SNX29: variants seen among roughly 807,000 people sequenced by gnomAD.
SNX29 encodes the protein sorting nexin-29.
Under a neutral mutation model 102.1 loss-of-function variants are expected in SNX29, and 78 were observed. That is an observed-to-expected ratio of 0.76 (90% confidence interval 0.64 to 0.92). SNX29 has a LOEUF of 0.92. SNX29 is among the 40% of genes least tolerant of loss of function. SNX29 has a pLI of 0.00. For missense variants in SNX29, 1,280 were observed against 1,061.7 expected, an observed-to-expected ratio of 1.21 and a Z score of -2.86; for synonymous variants, 580 against 414.5, an observed-to-expected ratio of 1.40 and a Z score of -4.85.
Position 12,249,427 on chromosome 16 carries a change from C to T in SNX29, c.1679-28506C>T, listed in dbSNP as rs546258078. Among the ~76,000 whole-genome samples, 16 of 152,330 alleles carry T rather than the reference C, an allele frequency of 1.1e-4. No individual in the cohort carries two copies. The East Asian group carries it at 1.9e-3, about 18-fold the overall frequency. ...CAAGCCTCTGCTAGGCTCACATTTG[C>T]GAATACTCCACTGACCAGAGTAAGT... On this transcript the variant is annotated intron_variant, in intron 14 of 20. Coordinates refer to ENST00000566228, the MANE Select transcript of SNX29 (RefSeq NM_032167.5).
chr16:12,571,502 C>A lies in SNX29; in HGVS notation c.*2873C>A, dbSNP rs974586766. Reference sequence around the variant, plus strand: ...CTCAGAGAGGAACGAGGGTGGCCCACCTCTCAAGGGCCTTGGATTCCTGGG... The same window carrying A: ...CTCAGAGAGGAACGAGGGTGGCCCAACTCTCAAGGGCCTTGGATTCCTGGG... On this transcript the variant is annotated 3_prime_UTR_variant, in exon 21 of 21. Coordinates refer to ENST00000566228, the MANE Select transcript of SNX29 (RefSeq NM_032167.5). 13 of 487,958 alleles carry A rather than the reference C, an allele frequency of 2.7e-5. No homozygotes were observed. The Middle Eastern group carries it at 3.0e-3, about 112-fold the overall frequency. 30.2% of individuals were successfully genotyped at this position (487,958 alleles called of 1,614,324 possible).
intron 18 of SNX29, among the ~76,000 whole-genome samples, chr16:12,449,977 A>G (rs140954203): frequency 3.3e-3 from 500 of 152,212 alleles, no homozygotes; most frequent in Non-Finnish European, 5.2e-3. Flanking sequence ...AGACAACTGA[A>G]TCATGGGGGG....
intron 13 of SNX29, among the ~76,000 whole-genome samples, chr16:12,153,761 A>C (rs2055408165): frequency 6.6e-6 from 1 of 152,092 alleles, no homozygotes; most frequent in African/African-American, 2.4e-5. Context: ...TATGGGAGTG[A>C]ACCACTGTGC....
intron 11 of SNX29, among the ~76,000 whole-genome samples, chr16:12,083,793 G>C (rs1439307212): frequency 6.6e-6 from 1 of 152,194 alleles, no homozygotes; most frequent in African/African-American, 2.4e-5. Flanking sequence ...AAACTCATCA[G>C]CTCTGCCCCA....
intron 13 of SNX29, among the ~76,000 whole-genome samples, chr16:12,139,474 G>T (rs984055965): frequency 6.6e-6 from 1 of 152,192 alleles, no homozygotes; most frequent in African/African-American, 2.4e-5. Flanking sequence ...TGAAGGGACC[G>T]TGGGGCCAGT....
At chr16:12,298,048 C>T (rs1157524139) in intron 15 of SNX29, among the ~76,000 whole-genome samples, 7 of 152,110 alleles carry the variant, frequency 4.6e-5, no homozygotes, top group Admixed American at 3.3e-4. Context: ...TGTGCGTCTG[C>T]GATCCCAGCT....
chr16:12,463,149 G>A (rs2086885620), intron 18 of SNX29, among the ~76,000 whole-genome samples: 1 of 152,220 alleles, frequency 6.6e-6, no homozygotes, highest in Non-Finnish European at 1.5e-5. Context: ...CCCGTCAGCG[G>A]TCGTTGTCGC....
At chr16:12,426,402 C>G (rs550396002) in intron 18 of SNX29, among the ~76,000 whole-genome samples, 1 of 152,256 alleles carries the variant, frequency 6.6e-6, no homozygotes, top group Admixed American at 6.5e-5. Flanking sequence ...AGTGACACGT[C>G]ACTCCCTCAA....
At chr16:12,211,906 T>G (rs2077194594) in intron 14 of SNX29, among the ~76,000 whole-genome samples, 1 of 152,180 alleles carries the variant, frequency 6.6e-6, no homozygotes. Context: ...TAGACTGGTG[T>G]TGGGTGAAAT....
intron 15 of SNX29, among the ~76,000 whole-genome samples, chr16:12,338,770 C>G (rs1313492671): frequency 6.6e-6 from 1 of 152,198 alleles, no homozygotes; most frequent in Non-Finnish European, 1.5e-5. Context: ...TCTCTCCCTG[C>G]AGACCCCTAC....
intron 11 of SNX29, among the ~76,000 whole-genome samples, chr16:12,114,925 G>A (rs1355045717): frequency 6.6e-6 from 1 of 152,102 alleles, no homozygotes; most frequent in Non-Finnish European, 1.5e-5. Flanking sequence ...TTGGAGGGTC[G>A]AATGAGATAA....
chr16:12,163,047 A>C (rs2055857053), intron 13 of SNX29, among the ~76,000 whole-genome samples: 1 of 151,918 alleles, frequency 6.6e-6, no homozygotes, highest in Non-Finnish European at 1.5e-5. Flanking sequence ...ATGCCCAGCT[A>C]ATTTTTGTAT....
At chr16:12,153,088 T>C (rs1172621473) in intron 13 of SNX29, among the ~76,000 whole-genome samples, 3 of 152,222 alleles carry the variant, frequency 2.0e-5, no homozygotes, top group Non-Finnish European at 4.4e-5. Flanking sequence ...TGGCTGTTTT[T>C]AGTCAAGGAT....
chr16:12,245,072 TCCCCGCCCC>T (rs2078221211), intron 14 of SNX29, among the ~76,000 whole-genome samples: 1 of 152,176 alleles, frequency 6.6e-6, no homozygotes, highest in African/African-American at 2.4e-5. Flanking sequence ...AAACATTGAT[TCCCCGCCCC>T]CCTAACAAAA....
intron 14 of SNX29, among the ~76,000 whole-genome samples, chr16:12,234,237 C>A (rs1204871700): frequency 6.6e-6 from 1 of 152,114 alleles, no homozygotes; most frequent in African/African-American, 2.4e-5. Flanking sequence ...TTGTAGCCAT[C>A]GAGTGGATGT....
rs1156303904 is a variant in SNX29 at position 12,048,523 on chromosome 16, G to A, written c.651G>A (p.Leu217=). The change falls in exon 7 of 21, where the codon CTG becomes CTA. Residue 217 remains leucine, a synonymous_variant. Transcript: ENST00000566228. Reference sequence around the variant, plus strand: ...AGTCCACGCAAGGAGTGAGCAGCCTGTTCAGGGAGATCACAGCCTCCTCTG... The same window carrying A: ...AGTCCACGCAAGGAGTGAGCAGCCTATTCAGGGAGATCACAGCCTCCTCTG... ...LKESTQGVSS[L]FREITASSAV... 6.2e-7 allele frequency: 1 copy of A among 1,613,946 alleles called. No homozygotes were observed. Among genetic ancestry groups the A allele is most frequent in the Non-Finnish European group, 8.5e-7 (1 of 1,179,864 alleles).
chr16:12,456,890 A>G (rs746882401), intron 18 of SNX29, among the ~76,000 whole-genome samples: 2 of 152,148 alleles, frequency 1.3e-5, no homozygotes, highest in Non-Finnish European at 2.9e-5. Context: ...GAACTCCCAG[A>G]AGGCCCGGGG....
At chr16:12,546,017 CAAA>C (rs954104121) in intron 20 of SNX29, among the ~76,000 whole-genome samples, 3 of 152,038 alleles carry the variant, frequency 2.0e-5, no homozygotes, top group Non-Finnish European at 4.4e-5. Flanking sequence ...AAACAGAAAA[CAAA>C]AAAACCCACA....
chr16:12,267,105 G>GGAAC (rs1400811494), intron 14 of SNX29, among the ~76,000 whole-genome samples: 2 of 152,150 alleles, frequency 1.3e-5, no homozygotes, highest in African/African-American at 2.4e-5. Context: ...GGGTATCACT[G>GGAAC]GAACCCCTTG....
Sources: allele counts gnomAD v4.1 joint callset (sites outside exome capture counted in the v4.1 genomes callset), GRCh38; gene constraint gnomAD v4.1.1; transcripts MANE v1.5; gene names NCBI Gene and HGNC (gene_info 2026-07-23, HGNC 2026-07-21).